The following NPEPPS variants were observed in gnomAD, a reference collection of about 807,000 sequenced individuals.
The protein encoded by NPEPPS is puromycin-sensitive aminopeptidase.
Under a neutral mutation model 115.5 loss-of-function variants are expected in NPEPPS, and 14 were observed. The ratio of observed to expected loss-of-function variants is 0.12; its 90% CI spans 0.08 to 0.19. The LOEUF is 0.19. NPEPPS is among the 10% of genes least tolerant of loss of function. The pLI is 1.00. For missense variants in NPEPPS, 523 were observed against 1,110.8 expected (o/e 0.47, Z 7.52); for synonymous variants, 285 against 390.6 (o/e 0.73, Z 3.19).
chr17:47,529,406 CT>C (rs1235224440), upstream of NPEPPS, among the ~76,000 whole-genome samples: 290 of 128,698 alleles, frequency 2.3e-3, no homozygotes, highest in South Asian at 4.1e-3. Context: ...CCTGGGCCCA[CT>C]TTTTTTTTTT....
intron 2 of NPEPPS, among the ~76,000 whole-genome samples, chr17:47,550,707 A>G (rs1397577842): frequency 6.6e-6 from 1 of 150,530 alleles, no homozygotes; most frequent in Non-Finnish European, 1.5e-5. Flanking sequence ...GCTCACTGCA[A>G]CCTCTGCCTC....
At chr17:47,544,550 T>G (rs896393904) in intron 1 of NPEPPS, among the ~76,000 whole-genome samples, 1 of 140,634 alleles carries the variant, frequency 7.1e-6, no homozygotes, top group Non-Finnish European at 1.5e-5. Context: ...ATTTATTTAT[T>G]TTGAGATAGA....
chr17:47,613,705 A>G lies in NPEPPS; in HGVS notation c.2275A>G (p.Thr759Ala). The change falls in exon 19 of 23, where the codon ACT becomes GCT. Residue 759 changes from threonine to alanine, a missense_variant. By Grantham distance (58) the Thr-to-Ala change is moderately conservative. Coordinates refer to ENST00000322157, the MANE Select transcript of NPEPPS (RefSeq NM_006310.4). ...LTVLKHGDGT[T>A]LDIMLKLHKQ... ...TGTTTTGAAGCATGGTGATGGCACT[A>G]CTTTAGATATTATGTTAAAAGTAAG... The G allele has an allele frequency of 6.2e-7, 1 of 1,611,146 alleles. No homozygotes were observed. Among genetic ancestry groups the G allele is most frequent in the Middle Eastern group, 2.1e-4 (1 of 4,774 alleles).
intron 22 of NPEPPS, among the ~76,000 whole-genome samples, chr17:47,621,113 T>G (rs2143998632): frequency 6.7e-6 from 1 of 149,090 alleles, no homozygotes; most frequent in East Asian, 2.0e-4. Context: ...CCCAGAAGGT[T>G]GAGGCTGTGA....
At chr17:47,546,315 A>G (rs2033664977) in intron 2 of NPEPPS, among the ~76,000 whole-genome samples, 2 of 151,926 alleles carry the variant, frequency 1.3e-5, no homozygotes, top group Admixed American at 6.6e-5. Flanking sequence ...AGTCCCAGCT[A>G]TTTGGGAGGC....
rs1427856449 is a variant in NPEPPS at position 47,618,977 on chromosome 17, CACTAGA to C, written c.2404-31_2404-26del. ...CTGGTACCAGAATATGTTTTTGATACACTAGACTTTTAGCTCTCTTTCTTTTTTTAG... is the reference window on the plus strand; with the variant it reads ...CTGGTACCAGAATATGTTTTTGATACCTTTTAGCTCTCTTTCTTTTTTTAG... On this transcript the variant is annotated intron_variant, in intron 20 of 22. Transcript: ENST00000322157. 1.9e-6 allele frequency: 3 copies of C among 1,603,344 alleles called. No homozygotes were observed. In the Admixed American group the frequency reaches 5.1e-5, roughly 27 times the overall value.
At chr17:47,576,256 G>C (rs150874377) in intron 3 of NPEPPS, among the ~76,000 whole-genome samples, 102 of 152,270 alleles carry the variant, frequency 6.7e-4, no homozygotes, top group African/African-American at 2.3e-3. Context: ...AGAAACACTG[G>C]TAGTTGTCAG....
At chr17:47,557,835 T>G (rs1235440786) in intron 2 of NPEPPS, among the ~76,000 whole-genome samples, 2 of 149,138 alleles carry the variant, frequency 1.3e-5, no homozygotes, top group African/African-American at 4.8e-5. Context: ...AACCAGGTAA[T>G]GAACATATTC....
chr17:47,614,264 C>G (rs1332209305), intron 19 of NPEPPS, among the ~76,000 whole-genome samples: 1 of 152,114 alleles, frequency 6.6e-6, no homozygotes, highest in Non-Finnish European at 1.5e-5. Flanking sequence ...CTACTGTGCC[C>G]AGCTGAAATT....
At position 47,583,046 on chromosome 17, in the gene NPEPPS, T is replaced by C. The variant is rs1430791809; in HGVS notation, c.648+197T>C. ...TTTTTTCTGTAGAGTTGGGGTCTCA[T>C]TATGTTGCCCAGGCTGGTCTCAAAC... On this transcript the variant is annotated intron_variant, in intron 5 of 22. Transcript: ENST00000322157. Among the ~76,000 whole-genome samples the C allele has an allele frequency of 5.3e-5, 8 of 150,510 alleles. No homozygotes were observed. In the South Asian group the frequency reaches 1.3e-3, roughly 24 times the overall value.
At chr17:47,619,830 A>C (rs1914431489) in intron 22 of NPEPPS, 46 bp downstream of exon 22, 1 of 1,384,172 alleles carries the variant, frequency 7.2e-7, no homozygotes, top group African/African-American at 1.4e-5. Context: ...CTAGTAAGTA[A>C]AAACAATAAC....
chr17:47,590,881 A>G lies in NPEPPS; in HGVS notation c.1260A>G (p.Glu420=), dbSNP rs1290606603. The stretch of plus-strand genomic sequence containing the variant: ...CCTTAGATAACAGCCATCCTATTGA[A>G]GTGAGCCATACTTTCTAACCATTAG... ...LDALDNSHPI[E]VSVGHPSEVD... is the part of the protein sequence containing the mutation. The change falls in exon 10 of 23, where the codon GAA becomes GAG. Residue 420 remains glutamate (E), a splice_region_variant and synonymous_variant. Coordinates refer to ENST00000322157, the MANE Select transcript of NPEPPS (RefSeq NM_006310.4). 1 of 1,558,462 alleles carries G rather than the reference A, an allele frequency of 6.4e-7. No homozygotes were observed. The highest frequency in any genetic ancestry group is 8.7e-7 in the Non-Finnish European group (1 of 1,150,906).
At chr17:47,594,145 G>A (rs916877741) in intron 12 of NPEPPS, among the ~76,000 whole-genome samples, 4 of 151,992 alleles carry the variant, frequency 2.6e-5, no homozygotes, top group Admixed American at 6.6e-5. Flanking sequence ...ACAGCGAAAC[G>A]CGGTCTCAAA....
intron 2 of NPEPPS, among the ~76,000 whole-genome samples, chr17:47,560,993 A>C (rs1380117672): frequency 6.6e-6 from 1 of 152,246 alleles, no homozygotes; most frequent in African/African-American, 2.4e-5. Flanking sequence ...TTTGAAGTAC[A>C]GTTGACTTGG....
intron 2 of NPEPPS, among the ~76,000 whole-genome samples, chr17:47,548,721 C>T (rs1334198325): frequency 2.7e-5 from 4 of 150,666 alleles, no homozygotes; most frequent in Non-Finnish European, 2.9e-5. Flanking sequence ...GGATTACAGG[C>T]GTGTGCCACC....
At chr17:47,547,551 G>T (rs1457862305) in intron 2 of NPEPPS, among the ~76,000 whole-genome samples, 1 of 151,880 alleles carries the variant, frequency 6.6e-6, no homozygotes, top group African/African-American at 2.4e-5. Context: ...TGGGGGGGTG[G>T]TCTTCCTATA....
At chr17:47,617,891 T>C (rs1455231880) in intron 19 of NPEPPS, among the ~76,000 whole-genome samples, 5 of 152,050 alleles carry the variant, frequency 3.3e-5, no homozygotes, top group Admixed American at 2.6e-4. Flanking sequence ...TTTTTTCTTT[T>C]ATTTTTGAGA....
chr17:47,564,035 C>T (rs1232741261), intron 2 of NPEPPS, among the ~76,000 whole-genome samples: 3 of 151,868 alleles, frequency 2.0e-5, no homozygotes, highest in East Asian at 1.9e-4. Flanking sequence ...CAGGTTCAAG[C>T]GATTCTCCTG....
At chr17:47,549,861 T>TAA (rs1490830592) in intron 2 of NPEPPS, among the ~76,000 whole-genome samples, 1 of 150,000 alleles carries the variant, frequency 6.7e-6, no homozygotes, top group Non-Finnish European at 1.5e-5. Context: ...TATATATATA[T>TAA]AATTTAAAAA....
Sources: allele counts gnomAD v4.1 joint callset (sites outside exome capture counted in the v4.1 genomes callset), GRCh38; gene constraint gnomAD v4.1.1; transcripts MANE v1.5; gene names NCBI Gene and HGNC (gene_info 2026-07-23, HGNC 2026-07-21).